The following FAM181B variants were observed in gnomAD, a reference collection of about 807,000 sequenced individuals.
The protein encoded by FAM181B is family with sequence similarity 181 member B, also known as protein FAM181B.
FAM181B carries 13 observed loss-of-function variants against 17.8 expected under a neutral mutation model. That is an observed-to-expected ratio of 0.73 (90% CI 0.48 to 1.16). The LOEUF (loss-of-function observed/expected upper bound fraction) is 1.16, where lower values mean the gene tolerates loss of function less well. FAM181B is among the 50% of genes most tolerant of loss of function. FAM181B has a pLI of 0.00. For missense variants in FAM181B, 725 were observed against 634.1 expected, an observed-to-expected ratio of 1.14 and a Z score of -1.54; for synonymous variants, 338 against 316.5, an observed-to-expected ratio of 1.07 and a Z score of -0.72.
rs1213670452 is a variant in FAM181B, at chr11:82,732,993, G to A, written c.737C>T (p.Ser246Leu). Residue 246 changes from serine (S) to leucine (L), a missense_variant, in exon 1 of 1, where the codon TCG (serine) becomes TTG (leucine). Ser to Leu is a moderately radical substitution (Grantham distance 145). Transcript: ENST00000329203. ...GTCGCCCAAGCTCACGTCCGGCCCC[G>A]ACGGGCCACACCCGCCGCCGCCTGC... ...SRAGGGGCGP[S>L]GPDVSLGDLE... 2.6e-6 allele frequency: 4 copies of A among 1,558,668 alleles called. No individual in the cohort carries two copies. Among genetic ancestry groups the A allele is most frequent in the Non-Finnish European group, 3.4e-6 (4 of 1,162,208 alleles).
chr11:82,733,292 GGCAGCCTT>G lies in FAM181B; in HGVS notation c.430_437del (p.Lys144ProfsTer39). 1 of 1,221,784 alleles carries G rather than the reference GGCAGCCTT, an allele frequency of 8.2e-7. No individual in the cohort carries two copies. 75.7% of individuals were successfully genotyped at this position (1,221,784 alleles called of 1,614,324 possible). On this transcript the variant is annotated frameshift_variant, in exon 1 of 1. Coordinates refer to ENST00000329203, the MANE Select transcript of FAM181B (RefSeq NM_175885.4). LOFTEE classifies it high-confidence loss of function. ...CGGCCTGCGACGCCTCCCGCCGGGG[GGCAGCCTT>G]GCCGTGGGCCGGGGCCGCGACTGTC...
At position 82,733,319 on chromosome 11, in the gene FAM181B, G is replaced by A. The variant is rs1192367852; in HGVS notation, c.411C>T (p.Val137=). The A allele has an allele frequency of 1.0e-5, 13 of 1,247,960 alleles. No homozygotes were observed. The African/African-American group carries it at 1.1e-4, about 11-fold the overall frequency. 77.3% of individuals were successfully genotyped at this position (1,247,960 alleles called of 1,614,324 possible). ...RPLAAPSAPT[V]AAPAHGKAAP... ...CAGCCTTGCCGTGGGCCGGGGCCGC[G>A]ACTGTCGGGGCGCTAGGGGCGGCCA... Residue 137 remains valine, a synonymous_variant, in exon 1 of 1, where the codon GTC becomes GTT. Transcript: ENST00000329203.
rs1565195836 is a variant in FAM181B, at chr11:82,732,746, G to GC, written c.983dup (p.Cys329LeufsTer108). On this transcript the variant is annotated frameshift_variant, in exon 1 of 1. Coordinates refer to ENST00000329203, the MANE Select transcript of FAM181B (RefSeq NM_175885.4). LOFTEE classifies it high-confidence loss of function. ...GGGGGCTCTTTTTGGTCGGGGAGCA[G>GC]CCCGGGACGCTCCAGGGCTCGGGGT... is the stretch of plus-strand genomic sequence containing the variant. The GC allele has an allele frequency of 1.4e-6, 2 of 1,465,008 alleles. No individual in the cohort carries two copies. The highest frequency in any genetic ancestry group is 2.9e-5 in the South Asian group (2 of 69,578). The allele number at this position is 1,465,008 out of a possible 1,614,324, so 90.8% of individuals were successfully genotyped here.
chr11:82,730,621 A>G lies in FAM181B; in HGVS notation c.*1828T>C, dbSNP rs1006924179. ...TAGACATTAGCTTTCTGGAGTTGCA[A>G]AAGTTCTTTTCATCATTAACAGTAC... On this transcript the variant is annotated 3_prime_UTR_variant, in exon 1 of 1. Transcript: ENST00000329203. The G allele has an allele frequency of 6.6e-6, 1 of 152,218 alleles. No homozygotes were observed. The highest frequency in any genetic ancestry group is 6.5e-5 in the Admixed American group (1 of 15,284). 9.4% of individuals were successfully genotyped at this position (152,218 alleles called of 1,614,324 possible).
At position 82,733,860 on chromosome 11, in the gene FAM181B, G is replaced by A. The variant is rs1422733027; in HGVS notation, c.-131C>T. On this transcript the variant is annotated 5_prime_UTR_variant, in exon 1 of 1. Coordinates refer to ENST00000329203, the MANE Select transcript of FAM181B (RefSeq NM_175885.4). ...CTACTAGTTCCGGGCCTGGCTCGCT[G>A]CGCTGCCTCCCGGGGGAGCTCATTA... is the stretch of plus-strand genomic sequence containing the variant. The A allele has an allele frequency of 5.6e-6, 4 of 717,286 alleles. No individual in the cohort carries two copies. The African/African-American group carries it at 5.6e-5, about 10-fold the overall frequency. The allele number at this position is 717,286 out of a possible 1,614,324, so 44.4% of individuals were successfully genotyped here. A position where few individuals can be genotyped will look rare whatever the true frequency, so the allele number is the denominator to read the frequency against.
chr11:82,732,644 G>A lies in FAM181B; in HGVS notation c.1086C>T (p.Gly362=), dbSNP rs1332078439. ...CCAAATGGCCCCGCCCGTCCTCCCC[G>A]CCGGGAGAATCCGCAGCGGCGGGGT... ...PLYPAAADSP[G]GEDGRGHLAS... is the part of the protein sequence containing the mutation. The change falls in exon 1 of 1, where the codon GGC becomes GGT. Residue 362 remains glycine (G), a synonymous_variant. Transcript: ENST00000329203. The A allele has an allele frequency of 3.3e-6, 5 of 1,504,492 alleles. No individual in the cohort carries two copies. The highest frequency in any genetic ancestry group is 1.3e-5 in the South Asian group (1 of 76,270). 93.2% of individuals were successfully genotyped at this position (1,504,492 alleles called of 1,614,324 possible).
chr11:82,733,628 C>T lies in FAM181B; in HGVS notation c.102G>A (p.Lys34=), dbSNP rs1269183692. ...TCTCATCGTCCTCGAAACAGCAGCC[C>T]TTGTCCAGGGCTCCGAAGGCGCCCC... is the stretch of plus-strand genomic sequence containing the variant. ...GLGGAFGALD[K]GCCFEDDETG... Residue 34 remains lysine, a synonymous_variant, in exon 1 of 1, where the codon AAG becomes AAA. Coordinates refer to ENST00000329203, the MANE Select transcript of FAM181B (RefSeq NM_175885.4). 1 of 1,600,604 alleles carries T rather than the reference C, an allele frequency of 6.2e-7. No individual in the cohort carries two copies. The highest frequency in any genetic ancestry group is 1.3e-5 in the African/African-American group (1 of 74,760).
rs1457492033 is a variant in FAM181B at position 82,730,286 on chromosome 11, T to C, written c.*2163A>G. ...ATCATGGCAATATTAAGAGGCTCAG[T>C]GAGTTAGCTTAAATGCCTGGGATGC... On this transcript the variant is annotated 3_prime_UTR_variant, in exon 1 of 1. Coordinates refer to ENST00000329203, the MANE Select transcript of FAM181B (RefSeq NM_175885.4). The C allele has an allele frequency of 6.6e-6, 1 of 152,112 alleles. No homozygotes were observed. Among genetic ancestry groups the C allele is most frequent in the Non-Finnish European group, 1.5e-5 (1 of 68,014 alleles). 9.4% of individuals were successfully genotyped at this position (152,112 alleles called of 1,614,324 possible). A position where few individuals can be genotyped will look rare whatever the true frequency, so the allele number is the denominator to read the frequency against.
At position 82,732,521 on chromosome 11, in the gene FAM181B, G is replaced by A; in HGVS notation, c.1209C>T (p.Ala403=). The change falls in exon 1 of 1, where the codon GCC becomes GCT. Residue 403 remains alanine, a synonymous_variant. Transcript: ENST00000329203. ...CGTCGGATCTCCAAAGGCTGGAATA[G>A]GCGGTGCGGCTGTAGCCCGCGCTGT... ...YDYSAGYSRT[A]YSSLWRSDGV... is the part of the protein sequence containing the mutation. The A allele has an allele frequency of 6.2e-7, 1 of 1,612,756 alleles. No homozygotes were observed. Among genetic ancestry groups the A allele is most frequent in the Non-Finnish European group, 8.5e-7 (1 of 1,179,916 alleles).
chr11:82,730,576 C>T lies in FAM181B; in HGVS notation c.*1873G>A, dbSNP rs1221697473. The T allele has an allele frequency of 6.6e-6, 1 of 152,168 alleles. No individual in the cohort carries two copies. Among genetic ancestry groups the T allele is most frequent in the Non-Finnish European group, 1.5e-5 (1 of 68,048 alleles). The allele number at this position is 152,168 out of a possible 1,614,324, so 9.4% of individuals were successfully genotyped here. ...GCACAATGGAATTAATCACCTTTAA[C>T]CACTTTGGAAGAAATCCAATAGACA... On this transcript the variant is annotated 3_prime_UTR_variant, in exon 1 of 1. Transcript: ENST00000329203.
At position 82,733,649 on chromosome 11, in the gene FAM181B, G is replaced by A. The variant is rs757445045; in HGVS notation, c.81C>T (p.Gly27=). 2 of 1,581,386 alleles carry A rather than the reference G, an allele frequency of 1.3e-6. No homozygotes were observed. The highest frequency in any genetic ancestry group is 1.4e-5 in the African/African-American group (1 of 73,888). The part of the protein sequence containing the change: ...GFGGSPDGLG[G]AFGALDKGCC... ...AGCCCTTGTCCAGGGCTCCGAAGGC[G>A]CCCCCTAGCCCGTCCGGGGAGCCCC... The change falls in exon 1 of 1, where the codon GGC becomes GGT. Residue 27 remains glycine, a synonymous_variant. Coordinates refer to ENST00000329203, the MANE Select transcript of FAM181B (RefSeq NM_175885.4).
In FAM181B at chr11:82,730,039, G is replaced by C. The variant is rs956915959; in HGVS notation, c.*2410C>G. 6.6e-6 allele frequency: 1 copy of C among 152,262 alleles called. No individual in the cohort carries two copies. Among genetic ancestry groups the C allele is most frequent in the African/African-American group, 2.4e-5 (1 of 41,438 alleles). The allele number at this position is 152,262 out of a possible 1,614,324, so 9.4% of individuals were successfully genotyped here. On this transcript the variant is annotated 3_prime_UTR_variant, in exon 1 of 1. Coordinates refer to ENST00000329203, the MANE Select transcript of FAM181B (RefSeq NM_175885.4). ...TGGCAGAAGGTGAAGCAGCAGGAAGGCACGTCTTACATGGTGGCAGGAGAG... is the reference window on the plus strand; with the variant it reads ...TGGCAGAAGGTGAAGCAGCAGGAAGCCACGTCTTACATGGTGGCAGGAGAG...
In FAM181B at chr11:82,733,199, C is replaced by G. The variant is rs973788700; in HGVS notation, c.531G>C (p.Gly177=). ...ALFDSLRHVP[G]GAEPAGGEVA... ...CCTCACCCCCCGCCGGCTCGGCACC[C>G]CCGGGGACGTGGCGCAGCGAGTCGA... Residue 177 remains glycine, a synonymous_variant, in exon 1 of 1, where the codon GGG becomes GGC. Transcript: ENST00000329203. 31 of 1,325,790 alleles carry G rather than the reference C, an allele frequency of 2.3e-5. No individual in the cohort carries two copies. The highest frequency in any genetic ancestry group is 3.0e-5 in the Non-Finnish European group (31 of 1,046,144). The allele number at this position is 1,325,790 out of a possible 1,614,324, so 82.1% of individuals were successfully genotyped here. A position where few individuals can be genotyped will look rare whatever the true frequency, so the allele number is the denominator to read the frequency against.
rs753770892 is a variant in FAM181B, at chr11:82,733,092, G to A, written c.638C>T (p.Ala213Val). The change falls in exon 1 of 1, where the codon GCG (alanine) becomes GTG (valine). Residue 213 changes from alanine to valine, a missense_variant. By Grantham distance (64) the Ala-to-Val change is moderately conservative (BLOSUM62 0). Coordinates refer to ENST00000329203, the MANE Select transcript of FAM181B (RefSeq NM_175885.4). The part of the protein sequence containing the change: ...GDVAGPAGAT[A>V]IPGARKVPLR... Reference sequence around the variant, plus strand: ...CGGGACCTTCCTGGCCCCTGGGATCGCCGTGGCCCCCGCGGGGCCTGCCAC... The same window carrying A: ...CGGGACCTTCCTGGCCCCTGGGATCACCGTGGCCCCCGCGGGGCCTGCCAC... The A allele has an allele frequency of 1.3e-6, 2 of 1,498,338 alleles. No individual in the cohort carries two copies. Among genetic ancestry groups the A allele is most frequent in the South Asian group, 1.3e-5 (1 of 78,634 alleles). 92.8% of individuals were successfully genotyped at this position (1,498,338 alleles called of 1,614,324 possible). A position where few individuals can be genotyped will look rare whatever the true frequency, so the allele number is the denominator to read the frequency against.
At position 82,733,048 on chromosome 11, in the gene FAM181B, G is replaced by A. The variant is rs751813593; in HGVS notation, c.682C>T (p.Pro228Ser). 28 of 1,529,920 alleles carry A rather than the reference G, an allele frequency of 1.8e-5. No homozygotes were observed. Among genetic ancestry groups the A allele is most frequent in the Admixed American group, 3.9e-5 (2 of 51,626 alleles). The allele number at this position is 1,529,920 out of a possible 1,614,324, so 94.8% of individuals were successfully genotyped here. ...GACGGCTCCGTGAAGAAGGACGGAG[G>A]CAGATTGCGTGCCCGCAGCGGGACC... ...RKVPLRARNL[P>S]PSFFTEPSRA... Residue 228 changes from proline (P) to serine (S), a missense_variant, in exon 1 of 1, where the codon CCT (proline) becomes TCT (serine). Coordinates refer to ENST00000329203, the MANE Select transcript of FAM181B (RefSeq NM_175885.4).
At position 82,733,325 on chromosome 11, in the gene FAM181B, C is replaced by A; in HGVS notation, c.405G>T (p.Pro135=). The change falls in exon 1 of 1, where the codon CCG becomes CCT. Residue 135 remains proline (P), a synonymous_variant. Transcript: ENST00000329203. ...AKRPLAAPSA[P]TVAAPAHGKA... ...TGCCGTGGGCCGGGGCCGCGACTGT[C>A]GGGGCGCTAGGGGCGGCCAGCGGCC... The A allele has an allele frequency of 7.9e-7, 1 of 1,258,454 alleles. No individual in the cohort carries two copies. The allele number at this position is 1,258,454 out of a possible 1,614,324, so 78.0% of individuals were successfully genotyped here.
rs76427896 is a variant in FAM181B, at chr11:82,732,953, C to A, written c.777G>T (p.Ala259=). Residue 259 remains alanine, a synonymous_variant, in exon 1 of 1, where the codon GCG becomes GCT. Transcript: ENST00000329203. ...GCAGCTCAAAGAACTCCACGGCCTC[C>A]GCGCCCTTCTCCAGGTCGCCCAAGC... ...DVSLGDLEKG[A]EAVEFFELLG... The A allele has an allele frequency of 1.3e-6, 2 of 1,575,222 alleles. No individual in the cohort carries two copies. The highest frequency in any genetic ancestry group is 2.4e-5 in the East Asian group (1 of 41,948).
rs939309288 is a variant in FAM181B at position 82,731,087 on chromosome 11, C to T, written c.*1362G>A. Reference sequence around the variant, plus strand: ...CCAACCTATTGGTGCCATGTGTCCTCTCTGCCACATTCATGGCTGGTAAAA... The same window carrying T: ...CCAACCTATTGGTGCCATGTGTCCTTTCTGCCACATTCATGGCTGGTAAAA... On this transcript the variant is annotated 3_prime_UTR_variant, in exon 1 of 1. Transcript: ENST00000329203. 9 of 152,318 alleles carry T rather than the reference C, an allele frequency of 5.9e-5. No homozygotes were observed. Among genetic ancestry groups the T allele is most frequent in the African/African-American group, 2.2e-4 (9 of 41,446 alleles). The allele number at this position is 152,318 out of a possible 1,614,324, so 9.4% of individuals were successfully genotyped here. A position where few individuals can be genotyped will look rare whatever the true frequency, so the allele number is the denominator to read the frequency against.
rs1020999699 is a variant in FAM181B at position 82,733,054 on chromosome 11, T to A, written c.676A>T (p.Asn226Tyr). ...TCCGTGAAGAAGGACGGAGGCAGAT[T>A]GCGTGCCCGCAGCGGGACCTTCCTG... Reference protein sequence around the residue: ...GARKVPLRARNLPPSFFTEPS... With the variant: ...GARKVPLRARYLPPSFFTEPS... The change falls in exon 1 of 1, where the codon AAT becomes TAT. Residue 226 changes from asparagine to tyrosine, a missense_variant. By Grantham distance (143) the Asn-to-Tyr change is moderately radical. Coordinates refer to ENST00000329203, the MANE Select transcript of FAM181B (RefSeq NM_175885.4). The A allele has an allele frequency of 3.3e-6, 5 of 1,527,324 alleles. No individual in the cohort carries two copies. The highest frequency in any genetic ancestry group is 3.5e-6 in the Non-Finnish European group (4 of 1,148,398). The allele number at this position is 1,527,324 out of a possible 1,614,324, so 94.6% of individuals were successfully genotyped here. A position where few individuals can be genotyped will look rare whatever the true frequency, so the allele number is the denominator to read the frequency against.
Sources: allele counts gnomAD v4.1 joint callset, GRCh38; gene constraint gnomAD v4.1.1; transcripts MANE v1.5; gene names NCBI Gene and HGNC (gene_info 2026-07-23, HGNC 2026-07-21).